RBFOX1: variants seen among roughly 807,000 people sequenced by gnomAD.
RBFOX1 encodes the protein RNA binding protein fox-1 homolog 1.
A neutral mutation model predicts 57.7 loss-of-function variants in RBFOX1; 8 were observed. That is an observed-to-expected ratio of 0.14 (90% confidence interval 0.08 to 0.25). The LOEUF is 0.25. RBFOX1 is among the 10% of genes least tolerant of loss of function. The pLI is 1.00. For synonymous variants in RBFOX1, 326 were observed against 222.4 expected (o/e 1.47, Z -4.15); for missense variants, 611 against 548.5 (o/e 1.11, Z -1.14).
intron 3 of RBFOX1, among the ~76,000 whole-genome samples, chr16:6,937,160 A>G (rs753267834): frequency 3.9e-5 from 6 of 151,982 alleles, no homozygotes; most frequent in Admixed American, 6.5e-5. Context: ...ATCAAAAATG[A>G]TATTTTTTTC....
intron 2 of RBFOX1, among the ~76,000 whole-genome samples, chr16:6,540,651 C>T (rs546559734): frequency 6.8e-6 from 1 of 147,774 alleles, no homozygotes; most frequent in Non-Finnish European, 1.5e-5. Flanking sequence ...TCAAGTCAGT[C>T]TCTGTACAGA....
At chr16:7,486,801 C>A (rs1330809725) in intron 4 of RBFOX1, among the ~76,000 whole-genome samples, 1 of 152,166 alleles carries the variant, frequency 6.6e-6, no homozygotes. Flanking sequence ...AGTCAGGGTT[C>A]CAACATTGCC....
intron 3 of RBFOX1, among the ~76,000 whole-genome samples, chr16:7,010,386 C>G (rs1287081319): frequency 6.6e-6 from 1 of 152,150 alleles, no homozygotes; most frequent in African/African-American, 2.4e-5. Context: ...AGGACACACA[C>G]TGGTGAGATC....
intron 3 of RBFOX1, among the ~76,000 whole-genome samples, chr16:7,003,072 A>T (rs960303894): frequency 1.3e-5 from 2 of 152,022 alleles, no homozygotes; most frequent in South Asian, 2.1e-4. Context: ...GAGAGGTTAT[A>T]CAATCAGGCC....
At chr16:7,161,057 G>C (rs1338471333) in intron 4 of RBFOX1, among the ~76,000 whole-genome samples, 1 of 152,142 alleles carries the variant, frequency 6.6e-6, no homozygotes, top group Admixed American at 6.6e-5. Flanking sequence ...GTTGTTCCCA[G>C]CTACCCAGAT....
intron 4 of RBFOX1, among the ~76,000 whole-genome samples, chr16:7,420,098 G>A (rs549508106): frequency 6.6e-6 from 1 of 152,068 alleles, no homozygotes; most frequent in East Asian, 1.9e-4. Flanking sequence ...CAGCCTTCCT[G>A]TTCAGCGTTT....
intron 4 of RBFOX1, among the ~76,000 whole-genome samples, chr16:7,264,406 C>G (rs1293168092): frequency 1.3e-5 from 2 of 152,192 alleles, no homozygotes; most frequent in Non-Finnish European, 2.9e-5. Context: ...CAGCTTACAA[C>G]AGATCTGGGA....
At chr16:6,919,464 G>A (rs2073980115) in intron 3 of RBFOX1, among the ~76,000 whole-genome samples, 1 of 150,584 alleles carries the variant, frequency 6.6e-6, no homozygotes, top group African/African-American at 2.4e-5. Context: ...TTTTTTTTAA[G>A]TAAACTTCTC....
intron 4 of RBFOX1, among the ~76,000 whole-genome samples, chr16:7,089,969 G>C (rs1162648796): frequency 6.6e-6 from 1 of 151,968 alleles, no homozygotes; most frequent in East Asian, 1.9e-4. Context: ...GCTGTTTAAG[G>C]AGATATGAAT....
intron 3 of RBFOX1, among the ~76,000 whole-genome samples, chr16:6,890,362 T>C (rs2065115178): frequency 1.3e-5 from 2 of 152,068 alleles, no homozygotes; most frequent in African/African-American, 4.8e-5. Flanking sequence ...CTACTAAAAA[T>C]ACGAAAATTA....
chr16:7,379,324 AAAT>A (rs1437294518), intron 4 of RBFOX1, among the ~76,000 whole-genome samples: 23 of 152,342 alleles, frequency 1.5e-4, no homozygotes, highest in Admixed American at 5.2e-4. Context: ...GACTGTTTTA[AAAT>A]AATAACAGTA....
At chr16:6,392,774 A>G (rs1403353613) in intron 2 of RBFOX1, among the ~76,000 whole-genome samples, 1 of 152,244 alleles carries the variant, frequency 6.6e-6, no homozygotes, top group Admixed American at 6.5e-5. Context: ...GCAGGAATTA[A>G]AAAGCATCCC....
At chr16:7,489,221 A>G (rs1368132191) in intron 4 of RBFOX1, among the ~76,000 whole-genome samples, 1 of 152,124 alleles carries the variant, frequency 6.6e-6, no homozygotes, top group Non-Finnish European at 1.5e-5. Context: ...GGAACGTGTA[A>G]CTGATACCTT....
At chr16:6,976,796 A>T (rs532360676) in intron 3 of RBFOX1, among the ~76,000 whole-genome samples, 1 of 111,250 alleles carries the variant, frequency 9.0e-6, no homozygotes, top group African/African-American at 3.9e-5. Context: ...TATATATATG[A>T]TATATGAGAT....
At chr16:6,078,168 A>T (rs984454491) in intron 1 of RBFOX1, among the ~76,000 whole-genome samples, 3 of 152,136 alleles carry the variant, frequency 2.0e-5, no homozygotes, top group Non-Finnish European at 4.4e-5. Context: ...GGTAACATGT[A>T]TGAGGAAATG....
intron 3 of RBFOX1, among the ~76,000 whole-genome samples, chr16:6,899,215 GTGTA>G (rs891421393): frequency 3.1e-4 from 46 of 148,324 alleles, no homozygotes; most frequent in Middle Eastern, 3.4e-3. Context: ...GTATATGTGT[GTGTA>G]TGTGTGGATG....
chr16:7,523,553 C>T (rs183153676), intron 5 of RBFOX1, among the ~76,000 whole-genome samples: 6 of 152,152 alleles, frequency 3.9e-5, no homozygotes, highest in East Asian at 1.9e-4. Context: ...TATGGTGGAC[C>T]GGTTAGCTGT....
intron 4 of RBFOX1, among the ~76,000 whole-genome samples, chr16:7,073,963 G>A (rs965651067): frequency 6.6e-6 from 1 of 152,122 alleles, no homozygotes; most frequent in Admixed American, 6.5e-5. Flanking sequence ...ACAGCTCCCT[G>A]TTTCTGTAAA....
At chr16:6,136,729 C>A (rs1223457957) in intron 1 of RBFOX1, among the ~76,000 whole-genome samples, 1 of 152,096 alleles carries the variant, frequency 6.6e-6, no homozygotes, top group Non-Finnish European at 1.5e-5. Flanking sequence ...TTCTACAGCC[C>A]CCCAAAATAC....
Sources: gnomAD v4.1 joint callset for allele counts (sites outside exome capture counted in the v4.1 genomes callset) on GRCh38, gnomAD v4.1.1 for gene constraint, MANE v1.5 for transcripts, NCBI Gene and HGNC (gene_info 2026-07-23, HGNC 2026-07-21) for gene names.